The following IKZF2 variants were observed in gnomAD, a reference collection of about 807,000 sequenced individuals.
IKZF2 encodes the protein zinc finger protein Helios.
A neutral mutation model predicts 49.2 loss-of-function variants in IKZF2; 15 were observed. That is an observed-to-expected ratio of 0.30 (90% CI 0.20 to 0.47). The LOEUF is 0.47. IKZF2 is among the 20% of genes least tolerant of loss of function. The pLI, the probability that IKZF2 is intolerant of heterozygous loss-of-function variation, is 1.00. For synonymous variants in IKZF2, 227 were observed against 221.4 expected (o/e 1.03, Z -0.23); for missense variants, 567 against 664.6 (o/e 0.85, Z 1.61).
chr2:213,031,319 T>C (rs1698407183), intron 6 of IKZF2, among the ~76,000 whole-genome samples: 1 of 152,192 alleles, frequency 6.6e-6, no homozygotes, highest in Non-Finnish European at 1.5e-5. Flanking sequence ...ATCCAAATAT[T>C]GCCATTTGTT....
chr2:213,071,443 T>C (rs1702692870), intron 4 of IKZF2, among the ~76,000 whole-genome samples: 1 of 151,978 alleles, frequency 6.6e-6, no homozygotes, highest in Non-Finnish European at 1.5e-5. Context: ...TTACGCCCGG[T>C]TTCAAGGTGA....
At chr2:213,071,098 T>C (rs1210831384) in intron 4 of IKZF2, among the ~76,000 whole-genome samples, 1 of 152,150 alleles carries the variant, frequency 6.6e-6, no homozygotes, top group Non-Finnish European at 1.5e-5. Flanking sequence ...TGTTGAATAA[T>C]ACTGTGTGTC....
At chr2:213,133,502 A>G (rs1574959948) in intron 4 of IKZF2, among the ~76,000 whole-genome samples, 1 of 152,074 alleles carries the variant, frequency 6.6e-6, no homozygotes, top group African/African-American at 2.4e-5. Context: ...AGGCTGAGGT[A>G]GGCAGATTAC....
intron 6 of IKZF2, among the ~76,000 whole-genome samples, chr2:213,047,906 T>C (rs1334642060): frequency 6.6e-6 from 1 of 151,862 alleles, no homozygotes; most frequent in Non-Finnish European, 1.5e-5. Context: ...ATTTAGCCGA[T>C]GTGCTAAACA....
At chr2:213,096,054 A>C (rs1705939428) in intron 4 of IKZF2, among the ~76,000 whole-genome samples, 1 of 151,988 alleles carries the variant, frequency 6.6e-6, no homozygotes, top group Non-Finnish European at 1.5e-5. Flanking sequence ...TATGTCCAAA[A>C]GAGCCTAGAA....
At chr2:213,030,723 GTAAA>G (rs1428408162) in intron 6 of IKZF2, among the ~76,000 whole-genome samples, 8 of 150,948 alleles carry the variant, frequency 5.3e-5, no homozygotes, top group African/African-American at 1.9e-4. Flanking sequence ...AATTTCGCAA[GTAAA>G]TATTTTTTTG....
intron 5 of IKZF2, among the ~76,000 whole-genome samples, chr2:213,051,321 G>T (rs1338902276): frequency 6.6e-6 from 1 of 151,822 alleles, no homozygotes; most frequent in African/African-American, 2.4e-5. Flanking sequence ...TAGTGTTTTG[G>T]GAGTTAATGA....
intron 6 of IKZF2, among the ~76,000 whole-genome samples, chr2:213,024,973 A>C (rs1697662787): frequency 6.6e-6 from 1 of 152,082 alleles, no homozygotes; most frequent in Non-Finnish European, 1.5e-5. Flanking sequence ...CTTTATTTTT[A>C]TAATAGTTAT....
intron 8 of IKZF2, among the ~76,000 whole-genome samples, chr2:213,010,538 C>T (rs1230256402): frequency 6.6e-6 from 1 of 152,128 alleles, no homozygotes; most frequent in Non-Finnish European, 1.5e-5. Flanking sequence ...CTACACAGTC[C>T]TCTTCATAGG....
At chr2:213,070,887 T>C (rs545862167) in intron 4 of IKZF2, among the ~76,000 whole-genome samples, 3 of 152,192 alleles carry the variant, frequency 2.0e-5, no homozygotes, top group African/African-American at 7.2e-5. Context: ...CAGGAATTTA[T>C]TATTCTGTGG....
intron 8 of IKZF2, among the ~76,000 whole-genome samples, chr2:213,008,527 T>C (rs1261191691): frequency 2.0e-5 from 3 of 152,056 alleles, no homozygotes; most frequent in Non-Finnish European, 2.9e-5. Flanking sequence ...ACACTGGGTC[T>C]GGCCACAAAT....
chr2:213,096,199 G>C (rs529511046), intron 4 of IKZF2, among the ~76,000 whole-genome samples: 2 of 152,058 alleles, frequency 1.3e-5, no homozygotes, highest in African/African-American at 2.4e-5. Flanking sequence ...TTAATAGCCA[G>C]AGAATAGGAA....
chr2:213,063,523 T>C (rs1701892998), intron 4 of IKZF2, among the ~76,000 whole-genome samples: 1 of 151,890 alleles, frequency 6.6e-6, no homozygotes, highest in African/African-American at 2.4e-5. Flanking sequence ...TAAAATAATC[T>C]CTGGTAGACT....
At chr2:213,013,651 G>A (rs59507033) in intron 8 of IKZF2, 140 bp downstream of exon 8, 156,969 of 719,590 alleles carry the variant, frequency 0.22, 19,288 homozygotes, top group Non-Finnish European at 0.25. Context: ...ATGTCAGAGA[G>A]TAAAAAAGAA....
At chr2:213,069,556 G>T (rs1440247804) in intron 4 of IKZF2, among the ~76,000 whole-genome samples, 1 of 152,072 alleles carries the variant, frequency 6.6e-6, no homozygotes, top group East Asian at 1.9e-4. Flanking sequence ...TTACCGCAAT[G>T]AACTTTAAAT....
intron 4 of IKZF2, among the ~76,000 whole-genome samples, chr2:213,108,523 A>C (rs1574872623): frequency 1.3e-5 from 2 of 152,134 alleles, no homozygotes; most frequent in East Asian, 3.8e-4. Flanking sequence ...ATCCCACTGC[A>C]GTAGCCATCG....
chr2:213,150,056 G>A, intron 2 of IKZF2, 88 bp downstream of exon 2: 1 of 616,450 alleles, frequency 1.6e-6, no homozygotes, highest in South Asian at 1.7e-5. Context: ...AGCGAAAGAA[G>A]GCTGCCCCAT....
intron 3 of IKZF2, 151 bp downstream of exon 3, chr2:213,148,445 T>A: frequency 3.3e-6 from 2 of 609,124 alleles, no homozygotes; most frequent in Non-Finnish European, 5.9e-6. Context: ...AGTGCTGTCA[T>A]TTTCTCAAAC....
chr2:213,055,197 G>C (rs1274590838), intron 5 of IKZF2, among the ~76,000 whole-genome samples: 1 of 151,962 alleles, frequency 6.6e-6, no homozygotes. Context: ...ATTTGAATGA[G>C]TGTTATCTTC....
Sources: gnomAD v4.1 joint callset for allele counts (sites outside exome capture counted in the v4.1 genomes callset) on GRCh38, gnomAD v4.1.1 for gene constraint, MANE v1.5 for transcripts, NCBI Gene and HGNC (gene_info 2026-07-23, HGNC 2026-07-21) for gene names.